SCAPER: variants seen among roughly 807,000 people sequenced by gnomAD.
SCAPER encodes the protein S-phase cyclin A associated protein in the ER, also known as S phase cyclin A-associated protein in the endoplasmic reticulum.
A neutral mutation model predicts 182.2 loss-of-function variants in SCAPER; 98 were observed. The observed-to-expected ratio is 0.54, with a 90% CI of 0.46 to 0.64. SCAPER has a LOEUF of 0.64. Ranked by LOEUF, SCAPER falls within the 30% of genes least tolerant of loss-of-function variation. SCAPER has a pLI of 0.00. For missense variants in SCAPER, 1,432 were observed against 1,690.0 expected, an observed-to-expected ratio of 0.85 and a Z score of 2.68; for synonymous variants, 605 against 564.6, an observed-to-expected ratio of 1.07 and a Z score of -1.01.
intron 21 of SCAPER, among the ~76,000 whole-genome samples, chr15:76,653,557 C>T (rs1296043003): frequency 1.2e-4 from 19 of 152,284 alleles, no homozygotes; most frequent in Admixed American, 1.2e-3. Context: ...TAAAGCCACA[C>T]ATCTGCAACC....
chr15:76,626,589 C>T (rs962336102), intron 21 of SCAPER, among the ~76,000 whole-genome samples: 41 of 152,090 alleles, frequency 2.7e-4, no homozygotes, highest in African/African-American at 9.2e-4. Flanking sequence ...TGGTGGCGCA[C>T]GCCTGTAATC....
At chr15:76,667,625 C>CAAAAAAAAAAAAAAAAAAAAAAA (rs775463270) in intron 20 of SCAPER, among the ~76,000 whole-genome samples, 3 of 27,474 alleles carry the variant, frequency 1.1e-4, no homozygotes, top group Non-Finnish European at 2.0e-4. Flanking sequence ...GACTCAGTCT[C>CAAAAAAAAAAAAAAAAAAAAAAA]AAAAAAAAAA....
intron 28 of SCAPER, chr15:76,380,890 A>G (rs2042900589): frequency 6.6e-6 from 1 of 152,498 alleles, no homozygotes. Flanking sequence ...CCATCCGTAG[A>G]AAGTCATATC....
chr15:76,836,428 A>G (rs2068957744), intron 5 of SCAPER, among the ~76,000 whole-genome samples: 1 of 152,140 alleles, frequency 6.6e-6, no homozygotes, highest in South Asian at 2.1e-4. Context: ...TACAAACATC[A>G]TATCTTCAAA....
chr15:76,875,469 C>A (rs989334636), intron 2 of SCAPER, among the ~76,000 whole-genome samples: 1 of 152,078 alleles, frequency 6.6e-6, no homozygotes, highest in African/African-American at 2.4e-5. Context: ...TATGGCAAAA[C>A]CCCATCTCTG....
chr15:76,429,228 T>C (rs1596569754), intron 26 of SCAPER, among the ~76,000 whole-genome samples: 1 of 152,096 alleles, frequency 6.6e-6, no homozygotes, highest in African/African-American at 2.4e-5. Context: ...CCTCTTTTTC[T>C]TTCCAGTCTT....
intron 26 of SCAPER, among the ~76,000 whole-genome samples, chr15:76,431,578 C>T (rs1160110634): frequency 6.9e-6 from 1 of 145,426 alleles, no homozygotes; most frequent in Non-Finnish European, 1.5e-5. Context: ...CTCAACTTCA[C>T]AACTGACAAA....
chr15:76,587,432 T>C (rs1294594483), intron 22 of SCAPER, among the ~76,000 whole-genome samples: 1 of 152,208 alleles, frequency 6.6e-6, no homozygotes. Flanking sequence ...TTTAAGACTA[T>C]GAACAACTTT....
rs185691512 is a variant in SCAPER at position 76,704,314 on chromosome 15, C to G, written c.2248-1312G>C. On this transcript the variant is annotated intron_variant, in intron 18 of 31. Transcript: ENST00000563290. The stretch of plus-strand genomic sequence containing the variant: ...GGTAGTTTCTTTTGCTGTGCAGAAG[C>G]TCTTTAGTTTAATTAGATCCCATAT... 3.6e-3 allele frequency among the ~76,000 whole-genome samples: 553 copies of G among 152,244 alleles called. 5 individuals are homozygous for G. Among genetic ancestry groups the G allele is most frequent in the African/African-American group, 0.013 (534 of 41,546 alleles).
At chr15:76,879,841 G>A (rs939550532) in intron 2 of SCAPER, among the ~76,000 whole-genome samples, 3 of 151,956 alleles carry the variant, frequency 2.0e-5, no homozygotes, top group African/African-American at 7.2e-5. Flanking sequence ...GTACTCCTTT[G>A]TAACACTTAA....
chr15:76,884,757 C>T (rs2073752791), intron 1 of SCAPER, among the ~76,000 whole-genome samples: 1 of 152,040 alleles, frequency 6.6e-6, no homozygotes, highest in African/African-American at 2.4e-5. Flanking sequence ...GTAGAAACAA[C>T]CCAAATACCT....
intron 21 of SCAPER, among the ~76,000 whole-genome samples, chr15:76,639,675 C>T (rs1261166348): frequency 6.6e-6 from 1 of 151,816 alleles, no homozygotes; most frequent in Non-Finnish European, 1.5e-5. Context: ...TTACACCCCG[C>T]CCCGTTGCTA....
chr15:76,469,114 A>T (rs890871618), intron 25 of SCAPER, among the ~76,000 whole-genome samples: 3 of 152,180 alleles, frequency 2.0e-5, no homozygotes, highest in Non-Finnish European at 4.4e-5. Flanking sequence ...ATCTATACAT[A>T]TGCAGAACCA....
chr15:76,530,496 G>A (rs2043562788), intron 23 of SCAPER, among the ~76,000 whole-genome samples: 1 of 152,122 alleles, frequency 6.6e-6, no homozygotes, highest in African/African-American at 2.4e-5. Flanking sequence ...AAAATTTAAA[G>A]GCATCATGTA....
chr15:76,395,599 A>G (rs1222543602), intron 27 of SCAPER, among the ~76,000 whole-genome samples: 18 of 152,172 alleles, frequency 1.2e-4, no homozygotes, highest in Non-Finnish European at 1.5e-5. Context: ...CTGATGATCA[A>G]TGATGTTGAG....
At chr15:76,526,734 T>TAG (rs2043227040) in intron 23 of SCAPER, among the ~76,000 whole-genome samples, 1 of 152,128 alleles carries the variant, frequency 6.6e-6, no homozygotes, top group Non-Finnish European at 1.5e-5. Context: ...TTTTACTTCC[T>TAG]AGAGTTCAGT....
chr15:76,707,832 G>A (rs956582012), intron 17 of SCAPER, among the ~76,000 whole-genome samples: 1 of 151,276 alleles, frequency 6.6e-6, no homozygotes, highest in Non-Finnish European at 1.5e-5. Context: ...ACATTCACTA[G>A]TAATGTCCAC....
Position 76,771,656 on chromosome 15 carries a change from A to T in SCAPER, c.1248+86T>A, listed in dbSNP as rs368184369. ...AAAAATGCTTTAAAAAGTATAAATC[A>T]TACAAGTTATTATTATTGGGGTTTA... On this transcript the variant is annotated intron_variant, in intron 10 of 31. Transcript: ENST00000563290. The T allele has an allele frequency of 5.3e-6, 5 of 939,450 alleles. No homozygotes were observed. The South Asian group carries it at 8.2e-5, about 15-fold the overall frequency. 58.2% of individuals were successfully genotyped at this position (939,450 alleles called of 1,614,324 possible).
At chr15:76,379,055 C>T (rs2042759251) in intron 28 of SCAPER, among the ~76,000 whole-genome samples, 1 of 152,126 alleles carries the variant, frequency 6.6e-6, no homozygotes, top group Admixed American at 6.5e-5. Context: ...ATTGTTTCCC[C>T]CACTAAGCTC....
Sources: gnomAD v4.1 joint callset for allele counts (sites outside exome capture counted in the v4.1 genomes callset) on GRCh38, gnomAD v4.1.1 for gene constraint, MANE v1.5 for transcripts, NCBI Gene and HGNC (gene_info 2026-07-23, HGNC 2026-07-21) for gene names.